The following MYT1L variants were observed in gnomAD, a reference collection of about 807,000 sequenced individuals.
The protein encoded by MYT1L is myelin transcription factor 1 like.
Under a neutral mutation model 126.7 loss-of-function variants are expected in MYT1L, and 12 were observed. The ratio of observed to expected loss-of-function variants is 0.09; its 90% CI spans 0.06 to 0.15. The LOEUF is 0.15. Among genes scored for constraint, MYT1L ranks in the 10% least tolerant of loss-of-function variants. The pLI, the probability that MYT1L is intolerant of heterozygous loss-of-function variation, is 1.00. For missense variants in MYT1L, 979 were observed against 1,585.2 expected, an observed-to-expected ratio of 0.62 and a Z score of 6.49; for synonymous variants, 541 against 604.2, an observed-to-expected ratio of 0.90 and a Z score of 1.53.
At chr2:1,940,452 T>A (rs917755073) in intron 9 of MYT1L, among the ~76,000 whole-genome samples, 9 of 146,692 alleles carry the variant, frequency 6.1e-5, no homozygotes, top group African/African-American at 2.0e-4. Context: ...TCTCACAACA[T>A]CTCTCTGTGG....
chr2:2,273,611 G>A (rs1307753527), intron 2 of MYT1L, among the ~76,000 whole-genome samples: 8 of 152,210 alleles, frequency 5.3e-5, no homozygotes, highest in African/African-American at 1.7e-4. Flanking sequence ...GCAGTGCCTG[G>A]ACCTGCAGTG....
intron 1 of MYT1L, among the ~76,000 whole-genome samples, chr2:2,299,588 C>T (rs988726944): frequency 2.6e-5 from 4 of 152,212 alleles, no homozygotes; most frequent in East Asian, 1.9e-4. Context: ...TTCTTACAGC[C>T]TTTCTCAGTG....
chr2:2,138,910 G>T (rs142964491), intron 3 of MYT1L, among the ~76,000 whole-genome samples: 3 of 150,998 alleles, frequency 2.0e-5, no homozygotes, highest in Non-Finnish European at 4.4e-5. Context: ...CGCCTGGGCC[G>T]CAGTAAAGGC....
chr2:2,109,455 G>A (rs145970747), intron 3 of MYT1L, among the ~76,000 whole-genome samples: 1 of 152,198 alleles, frequency 6.6e-6, no homozygotes, highest in Non-Finnish European at 1.5e-5. Context: ...GGAAAGGGAT[G>A]GAATGTCGCA....
chr2:2,069,686 C>G (rs1031144410), intron 3 of MYT1L, among the ~76,000 whole-genome samples: 11 of 152,026 alleles, frequency 7.2e-5, no homozygotes, highest in African/African-American at 2.7e-4. Context: ...ACACTCCCAT[C>G]AACAGTGTAA....
At position 2,093,404 on chromosome 2, in the gene MYT1L, C is replaced by CA. The variant is rs35350564; in HGVS notation, c.-303-39282dup. 6.2e-3 allele frequency among the ~76,000 whole-genome samples: 719 copies of CA among 116,742 alleles called. 4 individuals are homozygous for CA. The highest frequency in any genetic ancestry group is 0.017 in the African/African-American group (557 of 33,426). 76.6% of individuals were successfully genotyped at this position (116,742 alleles called of 152,430 possible). ...GTGATAATAAAATGAAAACAATGTA[C>CA]AAAAAAAAAAAAAGATTATCAGAAA... On this transcript the variant is annotated intron_variant, in intron 3 of 24. Transcript: ENST00000647738.
intron 4 of MYT1L, among the ~76,000 whole-genome samples, chr2:2,045,411 C>T (rs534302987): frequency 6.6e-6 from 1 of 152,302 alleles, no homozygotes; most frequent in African/African-American, 2.4e-5. Context: ...GGTGTCCCTG[C>T]AGAGCCATGC....
At chr2:2,017,968 T>C (rs1181926818) in intron 4 of MYT1L, among the ~76,000 whole-genome samples, 1 of 152,228 alleles carries the variant, frequency 6.6e-6, no homozygotes, top group African/African-American at 2.4e-5. Flanking sequence ...CAGGTATCTG[T>C]TTTGTACACA....
chr2:2,291,918 A>G (rs967645345), intron 1 of MYT1L, among the ~76,000 whole-genome samples: 5 of 152,250 alleles, frequency 3.3e-5, no homozygotes, highest in African/African-American at 1.2e-4. Context: ...ACGAGACGTC[A>G]GAGTGCGATT....
intron 3 of MYT1L, among the ~76,000 whole-genome samples, chr2:2,054,332 AGAT>A: frequency 6.6e-6 from 1 of 152,260 alleles, no homozygotes; most frequent in East Asian, 1.9e-4. Flanking sequence ...AGACACATGG[AGAT>A]GATGAGATGC....
At chr2:1,911,374 C>A (rs745547428) in intron 12 of MYT1L, among the ~76,000 whole-genome samples, 6 of 151,776 alleles carry the variant, frequency 4.0e-5, no homozygotes, top group Non-Finnish European at 7.4e-5. Flanking sequence ...CACTTTTTGG[C>A]CTCTGGGAAA....
Position 2,029,499 on chromosome 2 carries a change from G to T in MYT1L, c.-158+24479C>A, listed in dbSNP as rs76231808. 5.3e-4 allele frequency among the ~76,000 whole-genome samples: 81 copies of T among 152,256 alleles called. 1 individual carries two copies. The East Asian group carries it at 0.014, about 27-fold the overall frequency. On this transcript the variant is annotated intron_variant, in intron 4 of 24. Transcript: ENST00000647738. ...ATTCACTACCACAAGAACAGTATGG[G>T]GGAAACCACTCCCATGATTCAATTA...
At chr2:2,151,006 T>A (rs1475051372) in intron 3 of MYT1L, among the ~76,000 whole-genome samples, 1 of 152,128 alleles carries the variant, frequency 6.6e-6, no homozygotes, top group East Asian at 1.9e-4. Context: ...AACTGTCAGT[T>A]AGGATGTCAA....
At chr2:2,182,107 C>T (rs992482173) in intron 2 of MYT1L, among the ~76,000 whole-genome samples, 2 of 151,490 alleles carry the variant, frequency 1.3e-5, no homozygotes, top group African/African-American at 2.4e-5. Flanking sequence ...ACCATGGCCA[C>T]GGACAGCACG....
chr2:2,037,784 C>A (rs1301345448), intron 4 of MYT1L, among the ~76,000 whole-genome samples: 1 of 148,392 alleles, frequency 6.7e-6, no homozygotes, highest in Admixed American at 6.6e-5. Flanking sequence ...AAACAAAACC[C>A]CCCCAAAAAA....
intron 2 of MYT1L, among the ~76,000 whole-genome samples, chr2:2,189,268 T>G (rs974049551): frequency 1.3e-5 from 2 of 152,246 alleles, no homozygotes; most frequent in African/African-American, 4.8e-5. Flanking sequence ...AATGTTCTCC[T>G]GGAGCAGTTC....
chr2:1,841,160 C>CTT, intron 19 of MYT1L: 1 of 144,376 alleles, frequency 6.9e-6, no homozygotes, highest in Admixed American at 8.2e-5. Flanking sequence ...CCACCTCGGC[C>CTT]TCTTTTTTTT....
chr2:2,121,018 C>G (rs558924109), intron 3 of MYT1L, among the ~76,000 whole-genome samples: 1 of 152,270 alleles, frequency 6.6e-6, no homozygotes, highest in Admixed American at 6.5e-5. Flanking sequence ...CGCGGAGGAA[C>G]CAGCGCCCAC....
At chr2:2,143,911 C>T (rs2084440499) in intron 3 of MYT1L, among the ~76,000 whole-genome samples, 1 of 137,552 alleles carries the variant, frequency 7.3e-6, no homozygotes, top group Non-Finnish European at 1.5e-5. Context: ...AATGAAACAC[C>T]GGATACTCGT....
Sources: allele counts gnomAD v4.1 joint callset (sites outside exome capture counted in the v4.1 genomes callset), GRCh38; gene constraint gnomAD v4.1.1; transcripts MANE v1.5; gene names NCBI Gene and HGNC (gene_info 2026-07-23, HGNC 2026-07-21).